Variants in LRRC49 observed in about 807,000 individuals in gnomAD.
LRRC49 encodes the protein leucine rich repeat containing 49.
A neutral mutation model predicts 83.3 loss-of-function variants in LRRC49; 50 were observed. The observed-to-expected ratio is 0.60, with a 90% confidence interval of 0.48 to 0.76. The LOEUF (loss-of-function observed/expected upper bound fraction) is 0.76, where lower values mean the gene tolerates loss of function less well. LRRC49 is among the 30% of genes least tolerant of loss of function. LRRC49 has a pLI of 0.00. For synonymous variants in LRRC49, 286 were observed against 283.3 expected (o/e 1.01, Z -0.10); for missense variants, 704 against 809.1 (o/e 0.87, Z 1.58).
intron 11 of LRRC49, 56 bp from the exon 12 acceptor site, chr15:71,008,323 C>G (rs1292047844): frequency 1.0e-6 from 1 of 971,150 alleles, no homozygotes; most frequent in South Asian, 1.5e-5. Context: ...GGTCATTATA[C>G]TGTTAGGTAT....
chr15:70,960,800 T>G (rs1468845607), intron 8 of LRRC49, among the ~76,000 whole-genome samples: 1 of 152,190 alleles, frequency 6.6e-6, no homozygotes, highest in Non-Finnish European at 1.5e-5. Flanking sequence ...ATCATAGACT[T>G]AAATGTAAAA....
intron 11 of LRRC49, among the ~76,000 whole-genome samples, chr15:70,995,406 A>G (rs948669093): frequency 2.5e-4 from 38 of 151,674 alleles, no homozygotes; most frequent in African/African-American, 8.9e-4. Flanking sequence ...TCTAAGCAAT[A>G]TGGAAGCCAT....
intron 14 of LRRC49, among the ~76,000 whole-genome samples, chr15:71,030,296 A>T (rs1044856949): frequency 6.6e-6 from 1 of 152,206 alleles, no homozygotes; most frequent in Non-Finnish European, 1.5e-5. Flanking sequence ...GCTGGATATG[A>T]AATTCTGGGT....
chr15:70,999,126 A>G (rs1470817584), intron 11 of LRRC49, among the ~76,000 whole-genome samples: 1 of 152,118 alleles, frequency 6.6e-6, no homozygotes, highest in Admixed American at 6.6e-5. Context: ...AAAATAGTTG[A>G]CTTAAAAGTT....
chr15:71,030,563 G>A (rs1005448434), intron 14 of LRRC49, among the ~76,000 whole-genome samples: 3 of 152,146 alleles, frequency 2.0e-5, no homozygotes, highest in African/African-American at 4.8e-5. Flanking sequence ...ATGTTGGCCT[G>A]TCTTGCTAGG....
chr15:70,882,958 T>G, intron 2 of LRRC49: 1 of 1,579,998 alleles, frequency 6.3e-7, no homozygotes, highest in South Asian at 1.1e-5. Flanking sequence ...CCTTATAGGA[T>G]TTTATCTTTC....
At chr15:70,902,280 G>A (rs2034117416) in intron 4 of LRRC49, among the ~76,000 whole-genome samples, 1 of 152,116 alleles carries the variant, frequency 6.6e-6, no homozygotes, top group South Asian at 2.1e-4. Flanking sequence ...GCCAGTATTT[G>A]TAAGACTGTG....
intron 1 of LRRC49, among the ~76,000 whole-genome samples, chr15:70,865,118 C>T (rs2032882233): frequency 3.3e-5 from 5 of 152,186 alleles, no homozygotes; most frequent in South Asian, 4.1e-4. Flanking sequence ...CCTCCTGCCT[C>T]GGCCTCCCAC....
rs530639509 is a variant in LRRC49, at chr15:71,029,486, T to C, written c.1704-7693T>C. Among the ~76,000 whole-genome samples, 134 of 152,282 alleles carry C rather than the reference T, an allele frequency of 8.8e-4. 1 individual carries two copies. Among genetic ancestry groups the C allele is most frequent in the African/African-American group, 3.2e-3 (131 of 41,580 alleles). On this transcript the variant is annotated intron_variant, in intron 14 of 15. Transcript: ENST00000260382. ...TCATGCTATGTGGTGCTGAGAAGAA[T>C]GTATATTCTGTTGATTTGGGGTGGA...
intron 8 of LRRC49, among the ~76,000 whole-genome samples, chr15:70,961,795 T>C (rs1795058857): frequency 6.6e-6 from 1 of 152,200 alleles, no homozygotes; most frequent in South Asian, 2.1e-4. Flanking sequence ...TCTAGTGTCA[T>C]GAAACGGTTC....
Position 70,922,131 on chromosome 15 carries a change from A to C in LRRC49, c.711+2938A>C, listed in dbSNP as rs948178836. 2.0e-5 allele frequency among the ~76,000 whole-genome samples: 3 copies of C among 152,160 alleles called. No homozygotes were observed. The South Asian group carries it at 6.2e-4, about 32-fold the overall frequency. On this transcript the variant is annotated intron_variant, in intron 7 of 15. Coordinates refer to ENST00000260382, the MANE Select transcript of LRRC49 (RefSeq NM_017691.5). ...AAACAGTTTGGAGGTTCCTAAAAAA[A>C]ACTAAAAATTGAGCTACCATATGAT...
intron 15 of LRRC49, among the ~76,000 whole-genome samples, chr15:71,040,320 G>C (rs1372848945): frequency 1.3e-5 from 2 of 152,128 alleles, no homozygotes; most frequent in Admixed American, 6.5e-5. Flanking sequence ...TGGCCTCTGT[G>C]ATCCCCACAC....
chr15:70,983,859 C>T lies in LRRC49; in HGVS notation c.1006-235C>T, dbSNP rs370314073. Among the ~76,000 whole-genome samples the T allele has an allele frequency of 2.6e-5, 4 of 151,892 alleles. No individual in the cohort carries two copies. The East Asian group carries it at 7.7e-4, about 29-fold the overall frequency. The stretch of plus-strand genomic sequence containing the variant: ...TTAATAAAATTAAGTTCCTAAAGAG[C>T]AATAATTGTTTGCATTTTTTTCCTT... On this transcript the variant is annotated intron_variant, in intron 10 of 15. Transcript: ENST00000260382.
intron 2 of LRRC49, among the ~76,000 whole-genome samples, chr15:70,876,470 T>C (rs2033153946): frequency 6.6e-6 from 1 of 152,142 alleles, no homozygotes; most frequent in Non-Finnish European, 1.5e-5. Flanking sequence ...TGACATGCTT[T>C]GGTAGTATGC....
intron 14 of LRRC49, among the ~76,000 whole-genome samples, chr15:71,017,251 CCA>C (rs1173106218): frequency 6.6e-6 from 1 of 151,924 alleles, no homozygotes; most frequent in African/African-American, 2.4e-5. Context: ...TACTTAATTC[CCA>C]ATCACAAATC....
intron 14 of LRRC49, among the ~76,000 whole-genome samples, chr15:71,014,809 A>G (rs1426053696): frequency 1.3e-5 from 2 of 152,230 alleles, no homozygotes; most frequent in Non-Finnish European, 2.9e-5. Context: ...TGCTTCTTTC[A>G]TAAATCAGAT....
chr15:70,914,194 G>A (rs1314560306), intron 6 of LRRC49, among the ~76,000 whole-genome samples: 1 of 151,980 alleles, frequency 6.6e-6, no homozygotes, highest in Non-Finnish European at 1.5e-5. Context: ...TCAAAGCAAA[G>A]ATACAGTCTT....
intron 11 of LRRC49, among the ~76,000 whole-genome samples, chr15:70,997,940 C>G (rs893485935): frequency 2.0e-5 from 3 of 152,004 alleles, no homozygotes; most frequent in Admixed American, 2.0e-4. Flanking sequence ...TCTTAGTGTA[C>G]CGTTTTTGAT....
At chr15:71,047,495 G>A (rs1366357480) in intron 15 of LRRC49, among the ~76,000 whole-genome samples, 1 of 152,146 alleles carries the variant, frequency 6.6e-6, no homozygotes, top group Non-Finnish European at 1.5e-5. Context: ...GATGTTGTTG[G>A]TGTATAGAAA....
Sources: allele counts gnomAD v4.1 joint callset (sites outside exome capture counted in the v4.1 genomes callset), GRCh38; gene constraint gnomAD v4.1.1; transcripts MANE v1.5; gene names NCBI Gene and HGNC (gene_info 2026-07-23, HGNC 2026-07-21).